Variants in ZNF544 observed in about 807,000 individuals in gnomAD.
ZNF544 encodes the protein zinc finger protein AF020591.
In ZNF544, 10 loss-of-function variants were observed where a neutral mutation model predicts 13.5. That is an observed-to-expected ratio of 0.74 (90% confidence interval 0.46 to 1.25). ZNF544 has a LOEUF of 1.25. Among genes scored for constraint, ZNF544 ranks in the 50% most tolerant of loss-of-function variants. The pLI, the probability that ZNF544 is intolerant of heterozygous loss-of-function variation, is 0.00. For missense variants in ZNF544, 896 were observed against 845.6 expected (o/e 1.06, Z -0.74); for synonymous variants, 323 against 300.5 (o/e 1.07, Z -0.77).
At chr19:58,243,560 C>T (rs1206441274) in intron 3 of ZNF544, among the ~76,000 whole-genome samples, 1 of 151,858 alleles carries the variant, frequency 6.6e-6, no homozygotes, top group Non-Finnish European at 1.5e-5. Context: ...GAGGGAAGTT[C>T]CCTGCGCCGC....
chr19:58,252,689 C>T (rs2046479054), intron 6 of ZNF544, among the ~76,000 whole-genome samples: 1 of 152,166 alleles, frequency 6.6e-6, no homozygotes, highest in Non-Finnish European at 1.5e-5. Context: ...CCTTAGTAAC[C>T]TTAAATTTTA....
downstream of ZNF544, among the ~76,000 whole-genome samples, chr19:58,264,879 C>G (rs1365704930): frequency 1.3e-5 from 2 of 151,618 alleles, no homozygotes; most frequent in East Asian, 3.9e-4. Flanking sequence ...AGCTGCACAC[C>G]TGTAGTCCCA....
chr19:58,232,248 G>A (rs922957120), intron 3 of ZNF544, among the ~76,000 whole-genome samples: 2 of 151,692 alleles, frequency 1.3e-5, no homozygotes, highest in African/African-American at 4.8e-5. Context: ...GTGGTGGGAT[G>A]AGCATAGATC....
chr19:58,270,225 G>A (rs143694114), intron 5 of ZNF544, among the ~76,000 whole-genome samples: 2 of 152,166 alleles, frequency 1.3e-5, no homozygotes, highest in Admixed American at 6.6e-5. Context: ...AATAAAGGAG[G>A]AGGAGATGCA....
At chr19:58,274,727 A>G (rs916718669) in intron 5 of ZNF544, among the ~76,000 whole-genome samples, 4 of 151,960 alleles carry the variant, frequency 2.6e-5, no homozygotes, top group Non-Finnish European at 5.9e-5. Context: ...ATTGTATTAT[A>G]TTTTTTCAAA....
chr19:58,262,786 A>G lies in ZNF544; in HGVS notation c.*32A>G, dbSNP rs780839592. ...AGTCATTGTGGGAAAGCTTTCATCC[A>G]GAGGTCTCCCCTCATCATGCACCAG... On this transcript the variant is annotated 3_prime_UTR_variant, in exon 7 of 7. Transcript: ENST00000687789. The G allele has an allele frequency of 2.6e-6, 4 of 1,563,670 alleles. No homozygotes were observed. In the South Asian group the frequency reaches 4.9e-5, roughly 19 times the overall value.
chr19:58,255,802 T>C (rs260454), intron 6 of ZNF544, among the ~76,000 whole-genome samples: 90,889 of 152,100 alleles, frequency 0.6, 27,452 homozygotes, highest in Middle Eastern at 0.68. Flanking sequence ...GGACTGTAAC[T>C]GGAAAATAGA....
downstream of ZNF544, among the ~76,000 whole-genome samples, chr19:58,264,690 C>CA (rs919476204): frequency 2.0e-5 from 3 of 151,174 alleles, no homozygotes; most frequent in African/African-American, 7.3e-5. Flanking sequence ...GACTGTGTCT[C>CA]AAAAAAACAA....
At chr19:58,243,019 G>T (rs1005391357) in intron 3 of ZNF544, among the ~76,000 whole-genome samples, 3 of 151,996 alleles carry the variant, frequency 2.0e-5, no homozygotes, top group Non-Finnish European at 4.4e-5. Context: ...TAGAGAGGGG[G>T]GTCTCACTTT....
At chr19:58,238,193 G>T (rs1195443681) in intron 3 of ZNF544, among the ~76,000 whole-genome samples, 1 of 152,138 alleles carries the variant, frequency 6.6e-6, no homozygotes, top group African/African-American at 2.4e-5. Context: ...TGGCCTCCCA[G>T]AGTGCTGGGA....
At chr19:58,277,111 A>G (rs1037096450) in intron 6 of ZNF544, 64 of 1,138,790 alleles carry the variant, frequency 5.6e-5, no homozygotes, top group Middle Eastern at 6.6e-4. Flanking sequence ...TGAGGCCTAG[A>G]GCAGGAGCTC....
At position 58,262,570 on chromosome 19, in the gene ZNF544, C is replaced by T. The variant is rs370115549; in HGVS notation, c.1964C>T (p.Thr655Ile). 91 of 1,614,108 alleles carry T rather than the reference C, an allele frequency of 5.6e-5. No homozygotes were observed. Among genetic ancestry groups the T allele is most frequent in the Non-Finnish European group, 7.6e-5 (90 of 1,180,038 alleles). The change falls in exon 7 of 7, where the codon ACT becomes ATT. Residue 655 changes from threonine (T) to isoleucine (I), a missense_variant. Physicochemically the swap from Thr to Ile is moderately conservative, Grantham distance 89. Coordinates refer to ENST00000687789, the MANE Select transcript of ZNF544 (RefSeq NM_014480.4). ...CTTGTGATGCATCAGAGAACTCACA[C>T]TGGTGAGAAACCTTTTGAGTGTAGT... ...SYLVMHQRTH[T>I]GEKPFECSQC...
chr19:58,252,900 A>G (rs2046523414), intron 6 of ZNF544, among the ~76,000 whole-genome samples: 1 of 152,234 alleles, frequency 6.6e-6, no homozygotes, highest in Middle Eastern at 3.4e-3. Context: ...GCTCACTGCA[A>G]CCTCTGACTC....
At chr19:58,274,593 T>A (rs2051073524) in intron 5 of ZNF544, among the ~76,000 whole-genome samples, 1 of 152,204 alleles carries the variant, frequency 6.6e-6, no homozygotes, top group African/African-American at 2.4e-5. Context: ...TTATGTCGTT[T>A]AAGCCACCCC....
intron 3 of ZNF544, among the ~76,000 whole-genome samples, chr19:58,241,189 T>TAATATATATATATATATATA (rs1600250341): frequency 1.0e-4 from 4 of 39,636 alleles, no homozygotes; most frequent in African/African-American, 3.6e-4. Context: ...ATTTTTTTTT[T>TAATATATATATATATATATA]TTTGTAGAGA....
chr19:58,239,688 C>G (rs565130901), intron 3 of ZNF544, among the ~76,000 whole-genome samples: 292 of 152,304 alleles, frequency 1.9e-3, no homozygotes, highest in Non-Finnish European at 3.6e-3. Flanking sequence ...CGCCCGAGGT[C>G]AGGAGTTTGA....
At chr19:58,245,635 G>A (rs74625788) in intron 4 of ZNF544, among the ~76,000 whole-genome samples, 11,576 of 152,226 alleles carry the variant, frequency 0.076, 920 homozygotes, top group African/African-American at 0.19. Context: ...GGGAGTTAGG[G>A]TTCAACATGT....
intron 6 of ZNF544, among the ~76,000 whole-genome samples, chr19:58,255,818 G>T (rs1270989435): frequency 2.4e-4 from 36 of 152,216 alleles, no homozygotes; most frequent in Admixed American, 2.4e-3. Context: ...ATAGAGAAAA[G>T]AGTCTTTTCC....
intron 4 of ZNF544, chr19:58,245,927 T>G: frequency 3.0e-6 from 1 of 332,160 alleles, no homozygotes; most frequent in Non-Finnish European, 5.9e-6. Context: ...TCCCAGTCCG[T>G]TTGGGTTGCT....
Sources: allele counts gnomAD v4.1 joint callset (sites outside exome capture counted in the v4.1 genomes callset), GRCh38; gene constraint gnomAD v4.1.1; transcripts MANE v1.5; gene names NCBI Gene and HGNC (gene_info 2026-07-23, HGNC 2026-07-21).